The following SLC39A12 variants were observed in gnomAD, a reference collection of about 807,000 sequenced individuals.
SLC39A12 encodes solute carrier family 39 member 12.
Under a neutral mutation model 71.1 loss-of-function variants are expected in SLC39A12, and 63 were observed. That is an observed-to-expected ratio of 0.89 (90% CI 0.72 to 1.09). SLC39A12 has a LOEUF of 1.09. Ranked by LOEUF, SLC39A12 falls within the 50% of genes least tolerant of loss-of-function variation. SLC39A12 has a pLI of 0.00. For missense variants in SLC39A12, 892 were observed against 812.6 expected (o/e 1.10, Z -1.19); for synonymous variants, 351 against 301.3 (o/e 1.16, Z -1.71).
At position 18,036,760 on chromosome 10, in the gene SLC39A12, A is replaced by G. The variant is rs1185281939; in HGVS notation, c.1948-5945A>G. Reference sequence around the variant, plus strand: ...CATTTTAAAAATTATATATATATATATATATATATATATATATATATATAT... The same window carrying G: ...CATTTTAAAAATTATATATATATATGTATATATATATATATATATATATAT... On this transcript the variant is annotated intron_variant, in intron 12 of 12. Coordinates refer to ENST00000377369, the MANE Select transcript of SLC39A12 (RefSeq NM_001145195.2). 9.0e-4 allele frequency among the ~76,000 whole-genome samples: 6 copies of G among 6,658 alleles called. 1 individual carries two copies. The highest frequency in any genetic ancestry group is 0.067 in the Middle Eastern group (2 of 30). The allele number at this position is 6,658 out of a possible 152,430, so 4.4% of individuals were successfully genotyped here.
intron 8 of SLC39A12, 33 bp downstream of exon 8, chr10:17,991,336 T>C: frequency 4.0e-6 from 6 of 1,507,392 alleles, no homozygotes; most frequent in South Asian, 1.3e-5. Context: ...TCTTGTGCTT[T>C]AAAGTCTTAT....
chr10:18,002,102 G>C (rs1355325942), intron 11 of SLC39A12: 1 of 151,908 alleles, frequency 6.6e-6, no homozygotes, highest in Non-Finnish European at 1.5e-5. Flanking sequence ...CCTGTTCTTT[G>C]CCTCCCAGGA....
At chr10:18,027,951 T>C (rs966875536) in intron 12 of SLC39A12, among the ~76,000 whole-genome samples, 2 of 152,228 alleles carry the variant, frequency 1.3e-5, no homozygotes, top group South Asian at 2.1e-4. Flanking sequence ...AAATTAAACA[T>C]AATTAGGATG....
intron 7 of SLC39A12, 96 bp downstream of exon 7, chr10:17,987,747 A>AAG: frequency 7.7e-7 from 1 of 1,302,694 alleles, no homozygotes; most frequent in East Asian, 2.3e-5. Context: ...TGAGACTTCA[A>AAG]AGAGAGAGTA....
intron 10 of SLC39A12, among the ~76,000 whole-genome samples, chr10:17,999,842 A>G (rs563773598): frequency 6.6e-6 from 1 of 152,304 alleles, no homozygotes; most frequent in East Asian, 1.9e-4. Flanking sequence ...CGCTTCAGGG[A>G]AGTCATTAGC....
At chr10:18,024,698 C>G (rs79501677) in intron 12 of SLC39A12, among the ~76,000 whole-genome samples, 16 of 152,222 alleles carry the variant, frequency 1.1e-4, no homozygotes, top group African/African-American at 3.6e-4. Context: ...TTCTGATGGA[C>G]GAATGTTAAA....
chr10:18,034,668 G>A (rs1836947066), intron 12 of SLC39A12, among the ~76,000 whole-genome samples: 1 of 151,474 alleles, frequency 6.6e-6, no homozygotes, highest in South Asian at 2.1e-4. Context: ...ATATTGTTAT[G>A]TGTGAATTTG....
intron 12 of SLC39A12, among the ~76,000 whole-genome samples, chr10:18,039,824 A>G (rs1369384659): frequency 6.6e-6 from 1 of 152,134 alleles, no homozygotes; most frequent in African/African-American, 2.4e-5. Flanking sequence ...AACAAATACT[A>G]TTTCTTCCCT....
intron 4 of SLC39A12, among the ~76,000 whole-genome samples, chr10:17,973,693 A>G (rs1835033208): frequency 6.6e-6 from 1 of 151,972 alleles, no homozygotes; most frequent in African/African-American, 2.4e-5. Context: ...TAGTTTGCTT[A>G]TTAAATGCCT....
chr10:18,006,535 A>G (rs775995792), intron 12 of SLC39A12, among the ~76,000 whole-genome samples: 19 of 152,244 alleles, frequency 1.2e-4, no homozygotes, highest in Non-Finnish European at 2.1e-4. Context: ...AGGTGATCCC[A>G]GGGAGCAGAA....
intron 2 of SLC39A12, among the ~76,000 whole-genome samples, chr10:17,955,843 A>C (rs1834530901): frequency 6.6e-6 from 1 of 152,224 alleles, no homozygotes; most frequent in South Asian, 2.1e-4. Context: ...TTTAATGAGA[A>C]GGGGTAGAAT....
At chr10:17,955,345 C>T (rs934245131) in intron 2 of SLC39A12, among the ~76,000 whole-genome samples, 2 of 152,190 alleles carry the variant, frequency 1.3e-5, no homozygotes, top group Non-Finnish European at 2.9e-5. Context: ...GAAAGAAAGG[C>T]AGGTGAAGCA....
chr10:17,967,649 C>T (rs1183751138), intron 4 of SLC39A12, among the ~76,000 whole-genome samples: 1 of 151,796 alleles, frequency 6.6e-6, no homozygotes, highest in East Asian at 1.9e-4. Flanking sequence ...TTTGGGAGGC[C>T]AAGGTGGGTG....
At chr10:18,029,817 A>T (rs1455931048) in intron 12 of SLC39A12, among the ~76,000 whole-genome samples, 1 of 151,430 alleles carries the variant, frequency 6.6e-6, no homozygotes, top group Non-Finnish European at 1.5e-5. Context: ...TAACAAAAAA[A>T]TAAAATAAAT....
chr10:17,973,339 C>A (rs1353841043), intron 4 of SLC39A12, among the ~76,000 whole-genome samples: 2 of 151,966 alleles, frequency 1.3e-5, no homozygotes, highest in Non-Finnish European at 1.5e-5. Flanking sequence ...AGTTTTTTAC[C>A]TTCAGGTGAT....
chr10:17,988,513 G>T (rs190231438), intron 7 of SLC39A12, among the ~76,000 whole-genome samples: 204 of 152,262 alleles, frequency 1.3e-3, no homozygotes, highest in Non-Finnish European at 2.5e-3. Context: ...TGCAGAACCA[G>T]GAGCCCATTA....
intron 12 of SLC39A12, among the ~76,000 whole-genome samples, chr10:18,037,617 G>A (rs2497787): frequency 0.65 from 88,155 of 136,016 alleles, 26,599 homozygotes; most frequent in Non-Finnish European, 0.7. Flanking sequence ...AAATATATAT[G>A]TAAGAAAGGA....
At chr10:17,983,305 A>G (rs2130812613) in intron 6 of SLC39A12, among the ~76,000 whole-genome samples, 1 of 152,052 alleles carries the variant, frequency 6.6e-6, no homozygotes. Context: ...AGCCTGAGCA[A>G]CATAGGGAGA....
At chr10:18,032,891 G>T (rs1243833053) in intron 12 of SLC39A12, among the ~76,000 whole-genome samples, 2 of 124,296 alleles carry the variant, frequency 1.6e-5, no homozygotes, top group African/African-American at 3.2e-5. Flanking sequence ...GGCTTTTTCT[G>T]CATCTATTGA....
Sources: allele counts gnomAD v4.1 joint callset (sites outside exome capture counted in the v4.1 genomes callset), GRCh38; gene constraint gnomAD v4.1.1; transcripts MANE v1.5; gene names NCBI Gene and HGNC (gene_info 2026-07-23, HGNC 2026-07-21).